CEP128: variants seen among roughly 807,000 people sequenced by gnomAD.
CEP128 encodes centrosomal protein 128kDa.
Under a neutral mutation model 156.7 loss-of-function variants are expected in CEP128, and 132 were observed. The observed-to-expected ratio is 0.84, with a 90% confidence interval of 0.73 to 0.97. The LOEUF is 0.97. CEP128 is among the 50% of genes least tolerant of loss of function. CEP128 has a pLI of 0.00. For missense variants in CEP128, 1,252 were observed against 1,281.9 expected, an observed-to-expected ratio of 0.98 and a Z score of 0.36; for synonymous variants, 469 against 448.9, an observed-to-expected ratio of 1.04 and a Z score of -0.57.
At chr14:80,527,528 T>C (rs1204711196) in intron 22 of CEP128, among the ~76,000 whole-genome samples, 1 of 152,140 alleles carries the variant, frequency 6.6e-6, no homozygotes, top group Non-Finnish European at 1.5e-5. Context: ...CTGAATTCTT[T>C]TAACAACTAG....
At chr14:80,505,797 G>A (rs985433838) in intron 23 of CEP128, among the ~76,000 whole-genome samples, 2 of 152,060 alleles carry the variant, frequency 1.3e-5, no homozygotes, top group Admixed American at 6.6e-5. Flanking sequence ...TCCCATGAAC[G>A]CTTCCTACTT....
intron 19 of CEP128, among the ~76,000 whole-genome samples, chr14:80,720,600 C>T (rs954754887): frequency 9.9e-5 from 15 of 152,146 alleles, no homozygotes; most frequent in Non-Finnish European, 1.9e-4. Context: ...AATTATGTAA[C>T]GTAAGTCTTG....
intron 19 of CEP128, among the ~76,000 whole-genome samples, chr14:80,701,729 C>T (rs1283597996): frequency 3.9e-5 from 6 of 152,168 alleles, no homozygotes; most frequent in Admixed American, 3.3e-4. Context: ...CATGGGACTT[C>T]TATGTTTCAA....
intron 23 of CEP128, among the ~76,000 whole-genome samples, chr14:80,509,805 A>G (rs1043301947): frequency 2.0e-5 from 3 of 152,142 alleles, no homozygotes; most frequent in Non-Finnish European, 2.9e-5. Flanking sequence ...TTTATATATG[A>G]TAAGAGGTAT....
At chr14:80,771,673 C>G (rs896509123) in intron 16 of CEP128, among the ~76,000 whole-genome samples, 2 of 152,170 alleles carry the variant, frequency 1.3e-5, no homozygotes, top group African/African-American at 2.4e-5. Flanking sequence ...TGGTCTTAAA[C>G]TATCTCTTAA....
At chr14:80,839,214 T>C (rs527305531) in intron 10 of CEP128, among the ~76,000 whole-genome samples, 6 of 152,250 alleles carry the variant, frequency 3.9e-5, no homozygotes, top group Non-Finnish European at 8.8e-5. Flanking sequence ...AATTTAGAGC[T>C]TATATGTGCT....
At chr14:80,846,837 A>G (rs1265157247) in intron 9 of CEP128, among the ~76,000 whole-genome samples, 2 of 152,206 alleles carry the variant, frequency 1.3e-5, no homozygotes, top group Admixed American at 1.3e-4. Context: ...AAAAGCTAAC[A>G]GCTGGCATGC....
chr14:80,616,339 T>C (rs1414450571), intron 19 of CEP128, among the ~76,000 whole-genome samples: 4 of 152,206 alleles, frequency 2.6e-5, no homozygotes. Context: ...AAAGGTGTTC[T>C]TGCATTTTCT....
intron 9 of CEP128, among the ~76,000 whole-genome samples, chr14:80,842,455 T>TA (rs1170927398): frequency 4.6e-5 from 7 of 151,906 alleles, no homozygotes; most frequent in Non-Finnish European, 2.9e-5. Flanking sequence ...TTACCTAGTT[T>TA]AAAATGAAAG....
rs1883788553 is a variant in CEP128, at chr14:80,904,826, T to C, written c.467A>G (p.Asp156Gly). ...RTGVRFVQET[D>G]DMTQLHGFHQ... ...GGTACAAAGTACCTGAGTCATATCA[T>C]CAGTCTCTTGAACAAACCGGACACC... The change falls in exon 6 of 25, where the codon GAT becomes GGT. Residue 156 changes from aspartate (D) to glycine (G), a missense_variant. Physicochemically the swap from Asp to Gly is moderately conservative, Grantham distance 94. Coordinates refer to ENST00000555265, the MANE Select transcript of CEP128 (RefSeq NM_152446.5). 6.4e-7 allele frequency: 1 copy of C among 1,565,142 alleles called. No homozygotes were observed. Among genetic ancestry groups the C allele is most frequent in the Admixed American group, 1.7e-5 (1 of 59,942 alleles).
intron 9 of CEP128, among the ~76,000 whole-genome samples, chr14:80,852,092 A>T (rs560043731): frequency 6.6e-6 from 1 of 152,170 alleles, no homozygotes; most frequent in South Asian, 2.1e-4. Flanking sequence ...GTGTGTGTGT[A>T]TGTATGCATG....
rs1890234658 is a variant in CEP128 at position 80,552,128 on chromosome 14, T to C, written c.2880+7151A>G. ...GAATCATTTTAGGAGAAAGTGTATC[T>C]AGAAACTGAAGCTACAAAAACCAAT... On this transcript the variant is annotated intron_variant, in intron 21 of 24. Coordinates refer to ENST00000555265, the MANE Select transcript of CEP128 (RefSeq NM_152446.5). 2.0e-5 allele frequency among the ~76,000 whole-genome samples: 3 copies of C among 152,200 alleles called. No individual in the cohort carries two copies. In the South Asian group the frequency reaches 6.2e-4, roughly 32 times the overall value.
At chr14:80,728,098 C>A (rs1304747208) in intron 19 of CEP128, among the ~76,000 whole-genome samples, 1 of 152,120 alleles carries the variant, frequency 6.6e-6, no homozygotes, top group African/African-American at 2.4e-5. Flanking sequence ...TGGAATCAAC[C>A]TAGATACACA....
intron 13 of CEP128, among the ~76,000 whole-genome samples, chr14:80,809,614 A>G (rs1389044516): frequency 1.3e-5 from 2 of 152,194 alleles, no homozygotes; most frequent in Admixed American, 1.3e-4. Flanking sequence ...AAACCACCAA[A>G]GAGGAAAGCA....
intron 8 of CEP128, among the ~76,000 whole-genome samples, chr14:80,863,815 T>G (rs1887635596): frequency 6.6e-6 from 1 of 152,140 alleles, no homozygotes; most frequent in African/African-American, 2.4e-5. Context: ...GATAACTCAG[T>G]AAATGTATGG....
rs776155038 is a variant in CEP128, at chr14:80,585,529, A to C, written c.2807-5106T>G. Among the ~76,000 whole-genome samples, 108 of 152,220 alleles carry C rather than the reference A, an allele frequency of 7.1e-4. 3 individuals are homozygous for C. Among genetic ancestry groups the C allele is most frequent in the Non-Finnish European group, 2.2e-4 (15 of 68,044 alleles). ...TATTTTTCTTTAACCATTCCTATAA[A>C]ATGCCTCATCCATATTACAACTAAG... is the stretch of plus-strand genomic sequence containing the variant. On this transcript the variant is annotated intron_variant, in intron 19 of 24. Transcript: ENST00000555265.
chr14:80,913,764 CAGAAG>C (rs1368401336), intron 4 of CEP128, among the ~76,000 whole-genome samples: 2 of 151,720 alleles, frequency 1.3e-5, no homozygotes, highest in Non-Finnish European at 2.9e-5. Context: ...AGTGGAGACT[CAGAAG>C]GGAGGAGGTT....
intron 17 of CEP128, 144 bp from the exon 18 acceptor site, chr14:80,757,095 C>A (rs1899705734): frequency 3.4e-6 from 2 of 585,208 alleles, no homozygotes; most frequent in African/African-American, 3.8e-5. Context: ...AAATACTCAA[C>A]CAGTTCCAAA....
intron 19 of CEP128, among the ~76,000 whole-genome samples, chr14:80,683,230 C>T (rs1208930103): frequency 1.3e-5 from 2 of 152,098 alleles, no homozygotes; most frequent in East Asian, 3.9e-4. Context: ...ACCCATCTCA[C>T]AAGTAACAAC....
Sources: gnomAD v4.1 joint callset for allele counts (sites outside exome capture counted in the v4.1 genomes callset) on GRCh38, gnomAD v4.1.1 for gene constraint, MANE v1.5 for transcripts, NCBI Gene and HGNC (gene_info 2026-07-23, HGNC 2026-07-21) for gene names.